The following RBFOX3 variants were observed in gnomAD, a reference collection of about 807,000 sequenced individuals.
RBFOX3 encodes the protein RNA binding fox-1 homolog 3.
A neutral mutation model predicts 48.7 loss-of-function variants in RBFOX3; 17 were observed. The observed-to-expected ratio is 0.35, with a 90% CI of 0.24 to 0.52. RBFOX3 has a LOEUF of 0.52. RBFOX3 is among the 20% of genes least tolerant of loss of function. RBFOX3 has a pLI of 0.94. For synonymous variants in RBFOX3, 212 were observed against 209.5 expected, an observed-to-expected ratio of 1.01 and a Z score of -0.10; for missense variants, 382 against 497.5, an observed-to-expected ratio of 0.77 and a Z score of 2.21.
At chr17:79,462,630 G>C (rs552546836) in intron 2 of RBFOX3, among the ~76,000 whole-genome samples, 9 of 152,298 alleles carry the variant, frequency 5.9e-5, no homozygotes, top group Admixed American at 2.6e-4. Context: ...TAGGGATCCT[G>C]CTCAGTGTCC....
At chr17:79,561,261 G>C (rs993121502) in intron 1 of RBFOX3, among the ~76,000 whole-genome samples, 1 of 152,144 alleles carries the variant, frequency 6.6e-6, no homozygotes, top group Non-Finnish European at 1.5e-5. Flanking sequence ...GTGCTCCAAG[G>C]GTTCAAAGGG....
At chr17:79,182,818 G>A (rs1331733292) in intron 4 of RBFOX3, among the ~76,000 whole-genome samples, 1 of 150,992 alleles carries the variant, frequency 6.6e-6, no homozygotes, top group African/African-American at 2.4e-5. Flanking sequence ...AGCAGAGCTC[G>A]GCGCCCCCGC....
chr17:79,368,990 C>A (rs985082640), intron 2 of RBFOX3, among the ~76,000 whole-genome samples: 2 of 152,148 alleles, frequency 1.3e-5, no homozygotes, highest in African/African-American at 2.4e-5. Context: ...CCCAGTCACT[C>A]GCTCACCGCC....
Position 79,554,016 on chromosome 17 carries a change from G to T in RBFOX3, c.-320+56810C>A, listed in dbSNP as rs36193328. 3.3e-5 allele frequency among the ~76,000 whole-genome samples: 5 copies of T among 152,312 alleles called. No individual in the cohort carries two copies. In the South Asian group the frequency reaches 8.3e-4, roughly 25 times the overall value. On this transcript the variant is annotated intron_variant, in intron 1 of 14. Transcript: ENST00000693108. The stretch of plus-strand genomic sequence containing the variant: ...CCCAAAATGCTGGGATTACAGGCGT[G>T]AGCCACTGTGCCTGGCTGCTTTCTT...
intron 9 of RBFOX3, chr17:79,098,893 A>C (rs1242424754): frequency 6.6e-6 from 1 of 152,314 alleles, no homozygotes; most frequent in African/African-American, 2.4e-5. Context: ...AGAGGGTGGC[A>C]GTGGGCCCAG....
intron 2 of RBFOX3, among the ~76,000 whole-genome samples, chr17:79,350,839 C>T (rs962033156): frequency 2.0e-5 from 3 of 152,190 alleles, no homozygotes; most frequent in Non-Finnish European, 2.9e-5. Context: ...TGAGCTCAGG[C>T]GCCCCCATGG....
intron 1 of RBFOX3, among the ~76,000 whole-genome samples, chr17:79,554,910 T>G (rs960030946): frequency 8.5e-5 from 13 of 152,116 alleles, no homozygotes; most frequent in Non-Finnish European, 1.6e-4. Flanking sequence ...TAAAGACTTC[T>G]CCAAACCATA....
chr17:79,314,117 GA>G (rs2077214499), intron 2 of RBFOX3, among the ~76,000 whole-genome samples: 1 of 152,208 alleles, frequency 6.6e-6, no homozygotes, highest in Non-Finnish European at 1.5e-5. Context: ...GGTCTAACAA[GA>G]AAGCCCAAAA....
intron 2 of RBFOX3, among the ~76,000 whole-genome samples, chr17:79,440,539 G>A (rs1283696690): frequency 1.3e-5 from 2 of 152,112 alleles, no homozygotes; most frequent in Admixed American, 6.5e-5. Flanking sequence ...AGCCTCTGCC[G>A]ACCTCTCCCA....
chr17:79,255,839 G>C (rs8073791), intron 3 of RBFOX3, among the ~76,000 whole-genome samples: 2 of 151,256 alleles, frequency 1.3e-5, no homozygotes, highest in African/African-American at 4.9e-5. Context: ...TCCCAGGGAC[G>C]GTGGATGTTG....
At chr17:79,555,037 C>A (rs2091511335) in intron 1 of RBFOX3, among the ~76,000 whole-genome samples, 1 of 152,238 alleles carries the variant, frequency 6.6e-6, no homozygotes, top group Admixed American at 6.5e-5. Flanking sequence ...AGCCAGAACA[C>A]AGGCTTGAGT....
chr17:79,100,767 T>C (rs2146439571), intron 9 of RBFOX3, among the ~76,000 whole-genome samples: 1 of 152,320 alleles, frequency 6.6e-6, no homozygotes, highest in African/African-American at 2.4e-5. Flanking sequence ...GCAGGCCCCT[T>C]GCCGGATGGA....
intron 3 of RBFOX3, among the ~76,000 whole-genome samples, chr17:79,273,572 G>C (rs58034370): frequency 0.22 from 32,332 of 149,118 alleles, 3,426 homozygotes; most frequent in African/African-American, 0.26. Context: ...GTGCTCTGGG[G>C]GGGGCGGGGG....
intron 5 of RBFOX3, among the ~76,000 whole-genome samples, chr17:79,115,051 G>A (rs751191863): frequency 1.9e-4 from 29 of 152,334 alleles, no homozygotes; most frequent in Middle Eastern, 3.4e-3. Flanking sequence ...CCTGCAACCC[G>A]AGGCAGCTCG....
rs543811761 is a variant in RBFOX3 at position 79,462,479 on chromosome 17, A to C, written c.-175+19975T>G. On this transcript the variant is annotated intron_variant, in intron 2 of 14. Transcript: ENST00000693108. ...CCTCAACGTTAGATGTTAGAAATGAAGTCACTCAAGAATAAATTAACAGTG... is the reference window on the plus strand; with the variant it reads ...CCTCAACGTTAGATGTTAGAAATGACGTCACTCAAGAATAAATTAACAGTG... 3.2e-4 allele frequency among the ~76,000 whole-genome samples: 49 copies of C among 152,342 alleles called. No individual in the cohort carries two copies. In the South Asian group the frequency reaches 9.3e-3, roughly 29 times the overall value.
At chr17:79,175,496 T>C (rs918606256) in intron 4 of RBFOX3, among the ~76,000 whole-genome samples, 3 of 152,146 alleles carry the variant, frequency 2.0e-5, no homozygotes. Flanking sequence ...GAGGGTGGGG[T>C]GACTGGGGTC....
At chr17:79,632,600 G>A in the RBFOX3 span, among the ~76,000 whole-genome samples, 1 of 152,070 alleles carries the variant, frequency 6.6e-6, no homozygotes, top group Admixed American at 6.5e-5. Context: ...GCATGCACGA[G>A]TCCCCGGCCA....
chr17:79,375,392 C>CACACAG (rs1195466173), intron 2 of RBFOX3, among the ~76,000 whole-genome samples: 1 of 151,444 alleles, frequency 6.6e-6, no homozygotes, highest in Admixed American at 6.6e-5. Context: ...CACACACACA[C>CACACAG]ACACACACGA....
At chr17:79,168,174 C>T (rs1412164450) in intron 4 of RBFOX3, among the ~76,000 whole-genome samples, 2 of 152,186 alleles carry the variant, frequency 1.3e-5, no homozygotes, top group East Asian at 1.9e-4. Context: ...GCCCTGACCC[C>T]GCTGCTGCCT....
Sources: gnomAD v4.1 joint callset for allele counts (sites outside exome capture counted in the v4.1 genomes callset) on GRCh38, gnomAD v4.1.1 for gene constraint, MANE v1.5 for transcripts, NCBI Gene and HGNC (gene_info 2026-07-23, HGNC 2026-07-21) for gene names.